Variants in DR1 observed in about 807,000 individuals in gnomAD.
DR1 encodes the protein down-regulator of transcription 1, also known as protein Dr1.
Under a neutral mutation model 19.9 loss-of-function variants are expected in DR1, and 7 were observed. The ratio of observed to expected loss-of-function variants is 0.35; its 90% CI spans 0.20 to 0.66. DR1 has a LOEUF of 0.66. Ranked by LOEUF, DR1 falls within the 30% of genes least tolerant of loss-of-function variation. DR1 has a pLI of 0.66. For missense variants in DR1, 98 were observed against 203.7 expected (o/e 0.48, Z 3.16); for synonymous variants, 76 against 72.5 (o/e 1.05, Z -0.24).
Position 93,362,826 on chromosome 1 carries a change from C to CTTTTTTTTTTT in DR1, c.*2205_*2215dup, listed in dbSNP as rs55792701. Reference sequence around the variant, plus strand: ...GCAATATTTTATTTTTAGGTTTTTTCTTTTTTTTTTTTTTTTTTTTTTTTT... The same window carrying CTTTTTTTTTTT: ...GCAATATTTTATTTTTAGGTTTTTTCTTTTTTTTTTTTTTTTTTTTTTTTTTTTTTTTTTTT... On this transcript the variant is annotated 3_prime_UTR_variant, in exon 3 of 3. Coordinates refer to ENST00000370272, the MANE Select transcript of DR1 (RefSeq NM_001938.3). 3.0e-4 allele frequency: 16 copies of CTTTTTTTTTTT among 52,848 alleles called. No homozygotes were observed. The highest frequency in any genetic ancestry group is 4.0e-4 in the African/African-American group (5 of 12,624). 3.3% of individuals were successfully genotyped at this position (52,848 alleles called of 1,614,324 possible).
At chr1:93,351,339 C>G (rs1289541747) in intron 1 of DR1, among the ~76,000 whole-genome samples, 1 of 151,350 alleles carries the variant, frequency 6.6e-6, no homozygotes, top group South Asian at 2.1e-4. Context: ...AAGCAGTGTT[C>G]TCAGCCTTAA....
rs2101633886 is a variant in DR1, at chr1:93,346,496, A to G, written c.-150A>G. On this transcript the variant is annotated 5_prime_UTR_variant, in exon 1 of 3. Coordinates refer to ENST00000370272, the MANE Select transcript of DR1 (RefSeq NM_001938.3). ...CGCGAGTGTTCCCAGCCCTCAAGCC[A>G]GCTGCTCCTCCGTTCATTTTCTGCA... The G allele has an allele frequency of 1.6e-6, 1 of 634,584 alleles. No homozygotes were observed. Among genetic ancestry groups the G allele is most frequent in the East Asian group, 2.7e-5 (1 of 36,902 alleles). The allele number at this position is 634,584 out of a possible 1,614,324, so 39.3% of individuals were successfully genotyped here. A position where few individuals can be genotyped will look rare whatever the true frequency, so the allele number is the denominator to read the frequency against.
chr1:93,354,314 A>G (rs1381557359), intron 2 of DR1, among the ~76,000 whole-genome samples: 1 of 152,196 alleles, frequency 6.6e-6, no homozygotes, highest in Non-Finnish European at 1.5e-5. Flanking sequence ...TTTTTCAGAC[A>G]GAATGACCAT....
At chr1:93,358,476 A>G (rs774913583) in intron 2 of DR1, among the ~76,000 whole-genome samples, 3 of 151,996 alleles carry the variant, frequency 2.0e-5, no homozygotes, top group Admixed American at 6.6e-5. Context: ...CGCGGTTTGC[A>G]TTTTCTCTAA....
rs1185414953 is a variant in DR1, at chr1:93,364,851, CTT to C, written c.*4231_*4232del. On this transcript the variant is annotated 3_prime_UTR_variant, in exon 3 of 3. Transcript: ENST00000370272. ...TTTTCTTTTTTCTTTTCTTTTCTTT[CTT>C]TTTTTTTTTTTTTTTTTTGAGACAG... The C allele has an allele frequency of 9.9e-5, 10 of 100,632 alleles. No individual in the cohort carries two copies. The highest frequency in any genetic ancestry group is 6.0e-4 in the East Asian group (2 of 3,354). The allele number at this position is 100,632 out of a possible 1,614,324, so 6.2% of individuals were successfully genotyped here.
At position 93,366,537 on chromosome 1, in the gene DR1, A is replaced by G. The variant is rs1030771051; in HGVS notation, c.*5898A>G. The stretch of plus-strand genomic sequence containing the variant: ...ACTGCGAGTTTAAGAAAAACAACAT[A>G]TAATGAAATCAATTTTACCATAGGT... On this transcript the variant is annotated 3_prime_UTR_variant, in exon 3 of 3. Coordinates refer to ENST00000370272, the MANE Select transcript of DR1 (RefSeq NM_001938.3). 1 of 152,226 alleles carries G rather than the reference A, an allele frequency of 6.6e-6. No individual in the cohort carries two copies. The highest frequency in any genetic ancestry group is 2.4e-5 in the African/African-American group (1 of 41,464). 9.4% of individuals were successfully genotyped at this position (152,226 alleles called of 1,614,324 possible).
At chr1:93,357,398 C>T (rs1054102095) in intron 2 of DR1, among the ~76,000 whole-genome samples, 1 of 152,018 alleles carries the variant, frequency 6.6e-6, no homozygotes, top group South Asian at 2.1e-4. Context: ...CCCAGTTACT[C>T]GGGAGATGGA....
At position 93,364,510 on chromosome 1, in the gene DR1, TG is replaced by T. The variant is rs1381606466; in HGVS notation, c.*3873del. 3 of 152,236 alleles carry T rather than the reference TG, an allele frequency of 2.0e-5. No homozygotes were observed. Among genetic ancestry groups the T allele is most frequent in the African/African-American group, 7.2e-5 (3 of 41,448 alleles). The allele number at this position is 152,236 out of a possible 1,614,324, so 9.4% of individuals were successfully genotyped here. A position where few individuals can be genotyped will look rare whatever the true frequency, so the allele number is the denominator to read the frequency against. ...ATTAGGAAGAATTATCCAATTCAGA[TG>T]GCATAGGCACTGCCTTCCAATTTCT... On this transcript the variant is annotated 3_prime_UTR_variant, in exon 3 of 3. Coordinates refer to ENST00000370272, the MANE Select transcript of DR1 (RefSeq NM_001938.3).
At chr1:93,355,119 AC>A in intron 2 of DR1, 1 of 152,296 alleles carries the variant, frequency 6.6e-6, no homozygotes, top group South Asian at 2.1e-4. Context: ...ATTGCAGACC[AC>A]CTAGAGAATG....
intron 2 of DR1, among the ~76,000 whole-genome samples, chr1:93,356,119 A>G (rs1407402604): frequency 6.6e-6 from 1 of 152,234 alleles, no homozygotes; most frequent in Non-Finnish European, 1.5e-5. Flanking sequence ...TAGAAGAAAA[A>G]TACTTGGGAT....
rs2101633828 is a variant in DR1, at chr1:93,346,382, C to A, written c.-264C>A. The A allele has an allele frequency of 2.1e-6, 1 of 477,198 alleles. No homozygotes were observed. Among genetic ancestry groups the A allele is most frequent in the Non-Finnish European group, 3.8e-6 (1 of 261,548 alleles). The allele number at this position is 477,198 out of a possible 1,614,324, so 29.6% of individuals were successfully genotyped here. On this transcript the variant is annotated 5_prime_UTR_variant, in exon 1 of 3. Coordinates refer to ENST00000370272, the MANE Select transcript of DR1 (RefSeq NM_001938.3). The stretch of plus-strand genomic sequence containing the variant: ...AGCCGCTCAAATTTCCGGACCACCG[C>A]GCTTTCCCCTCCTCAGCCTGGGCTG...
At chr1:93,360,446 TG>T (rs763993005) in intron 2 of DR1, 46 bp from the exon 3 acceptor site, 6 of 1,496,778 alleles carry the variant, frequency 4.0e-6, no homozygotes, top group Non-Finnish European at 5.3e-6. Context: ...GTATATATTG[TG>T]GGTTTGTAAA....
chr1:93,349,833 C>G (rs1666895487), intron 1 of DR1, among the ~76,000 whole-genome samples: 1 of 151,962 alleles, frequency 6.6e-6, no homozygotes, highest in African/African-American at 2.4e-5. Flanking sequence ...CTATTTGATT[C>G]AATAGACATA....
At chr1:93,356,984 A>G (rs1666995204) in intron 2 of DR1, among the ~76,000 whole-genome samples, 1 of 152,110 alleles carries the variant, frequency 6.6e-6, no homozygotes, top group Admixed American at 6.6e-5. Flanking sequence ...GGCCTCCCAC[A>G]GTGCTGGGAT....
rs540011438 is a variant in DR1, at chr1:93,364,842, C to CT, written c.*4207dup. The CT allele has an allele frequency of 1.3e-5, 1 of 79,760 alleles. No individual in the cohort carries two copies. The highest frequency in any genetic ancestry group is 2.6e-5 in the Non-Finnish European group (1 of 38,272). The allele number at this position is 79,760 out of a possible 1,614,324, so 4.9% of individuals were successfully genotyped here. ...ATGTTTCCTTTTTCTTTTTTCTTTT[C>CT]TTTTCTTTCTTTTTTTTTTTTTTTT... On this transcript the variant is annotated 3_prime_UTR_variant, in exon 3 of 3. Coordinates refer to ENST00000370272, the MANE Select transcript of DR1 (RefSeq NM_001938.3).
At chr1:93,349,011 A>G (rs922982261) in intron 1 of DR1, among the ~76,000 whole-genome samples, 4 of 152,120 alleles carry the variant, frequency 2.6e-5, no homozygotes, top group Non-Finnish European at 4.4e-5. Context: ...AGCATTGATT[A>G]GGAATGTAGA....
At chr1:93,357,518 A>AAAATAAAT (rs3067471) in intron 2 of DR1, among the ~76,000 whole-genome samples, 116,222 of 149,060 alleles carry the variant, frequency 0.78, 45,658 homozygotes, top group East Asian at 0.95. Context: ...CCCCATCTCT[A>AAAATAAAT]AAATAAATAA....
At chr1:93,352,045 C>G (rs572420148) in intron 1 of DR1, among the ~76,000 whole-genome samples, 21 of 152,208 alleles carry the variant, frequency 1.4e-4, no homozygotes, top group African/African-American at 3.9e-4. Context: ...AACCCTAAAA[C>G]TAATAACAAT....
rs114666952 is a variant in DR1 at position 93,354,444 on chromosome 1, T to G, written c.384+373T>G. 8.4e-3 allele frequency among the ~76,000 whole-genome samples: 1,274 copies of G among 152,318 alleles called. 17 individuals carry two copies. Among genetic ancestry groups the G allele is most frequent in the African/African-American group, 0.029 (1,219 of 41,590 alleles). The stretch of plus-strand genomic sequence containing the variant: ...CCAGCAAAATCTGATTAATATCAAC[T>G]GTGTAGTTAAATTAGGTCTTTAATA... On this transcript the variant is annotated intron_variant, in intron 2 of 2. Transcript: ENST00000370272.
Sources: allele counts gnomAD v4.1 joint callset (sites outside exome capture counted in the v4.1 genomes callset), GRCh38; gene constraint gnomAD v4.1.1; transcripts MANE v1.5; gene names NCBI Gene and HGNC (gene_info 2026-07-23, HGNC 2026-07-21).